The following MGA variants were observed in gnomAD, a reference collection of about 807,000 sequenced individuals.
MGA encodes MAX dimerization protein MGA, also known as MAX gene-associated protein.
Under a neutral mutation model 261.1 loss-of-function variants are expected in MGA, and 40 were observed. That is an observed-to-expected ratio of 0.15 (90% confidence interval 0.12 to 0.20). The LOEUF (loss-of-function observed/expected upper bound fraction) is 0.20, where lower values mean the gene tolerates loss of function less well. Ranked by LOEUF, MGA falls within the 10% of genes least tolerant of loss-of-function variation. The pLI is 1.00. For missense variants in MGA, 3,397 were observed against 3,630.5 expected, an observed-to-expected ratio of 0.94 and a Z score of 1.65; for synonymous variants, 1,302 against 1,290.6, an observed-to-expected ratio of 1.01 and a Z score of -0.19.
At chr15:41,721,258 A>G in intron 9 of MGA, among the ~76,000 whole-genome samples, 1 of 152,204 alleles carries the variant, frequency 6.6e-6, no homozygotes, top group Non-Finnish European at 1.5e-5. Flanking sequence ...ACTTGTGGTC[A>G]GGAATTCGAG....
intron 14 of MGA, among the ~76,000 whole-genome samples, chr15:41,741,346 C>CAAAAA (rs11389766): frequency 2.8e-4 from 20 of 72,272 alleles, no homozygotes; most frequent in Admixed American, 9.9e-4. Context: ...ACTCCATCTC[C>CAAAAA]AAAAAAAAAA....
intron 22 of MGA, among the ~76,000 whole-genome samples, chr15:41,764,033 C>T (rs903799393): frequency 3.8e-4 from 57 of 151,798 alleles, no homozygotes; most frequent in Admixed American, 2.0e-4. Flanking sequence ...GTGGTGCACA[C>T]CTGTAGTCCC....
At chr15:41,702,140 C>T (rs1010706505) in intron 5 of MGA, among the ~76,000 whole-genome samples, 45 of 151,772 alleles carry the variant, frequency 3.0e-4, no homozygotes, top group African/African-American at 1.1e-3. Flanking sequence ...GCCAACGTGG[C>T]GAAACTCCGT....
chr15:41,677,826 T>C (rs1757735004), intron 2 of MGA, among the ~76,000 whole-genome samples: 1 of 152,214 alleles, frequency 6.6e-6, no homozygotes, highest in Non-Finnish European at 1.5e-5. Context: ...ATATTTTGGA[T>C]ATTAATCCAT....
intron 1 of MGA, among the ~76,000 whole-genome samples, chr15:41,640,457 T>G (rs938548257): frequency 6.6e-6 from 1 of 152,210 alleles, no homozygotes; most frequent in Non-Finnish European, 1.5e-5. Flanking sequence ...TGATGTAAGA[T>G]TGTACATCAT....
intron 15 of MGA, among the ~76,000 whole-genome samples, chr15:41,748,229 G>A (rs1371757652): frequency 1.3e-5 from 2 of 151,542 alleles, no homozygotes; most frequent in Non-Finnish European, 2.9e-5. Flanking sequence ...TGCACTGAAG[G>A]TGACAAGTGC....
chr15:41,758,021 C>T (rs567768676), intron 19 of MGA, among the ~76,000 whole-genome samples, 182 bp downstream of exon 19: 1 of 151,872 alleles, frequency 6.6e-6, no homozygotes, highest in South Asian at 2.1e-4. Context: ...CTTTTTTTCC[C>T]TTTTAATTCT....
intron 7 of MGA, 51 bp from the exon 8 acceptor site, chr15:41,710,640 C>G: frequency 2.7e-6 from 4 of 1,480,434 alleles, no homozygotes; most frequent in Non-Finnish European, 3.6e-6. Flanking sequence ...TATGGAGATT[C>G]ATAAATCTGT....
At chr15:41,652,644 C>T (rs1186561985) in intron 1 of MGA, among the ~76,000 whole-genome samples, 1 of 151,290 alleles carries the variant, frequency 6.6e-6, no homozygotes, top group Non-Finnish European at 1.5e-5. Context: ...AGTGCTGGGA[C>T]TTATACCCTT....
At position 41,711,243 on chromosome 15, in the gene MGA, T is replaced by G; in HGVS notation, c.2978T>G (p.Val993Gly). 1.2e-6 allele frequency: 2 copies of G among 1,613,924 alleles called. No homozygotes were observed. The highest frequency in any genetic ancestry group is 1.7e-6 in the Non-Finnish European group (2 of 1,179,876). ...CCTCCAGGCTTGTCTAAATCTCAGG[T>G]GAAGCTAATGGACCTGGAAGACTGT... The change falls in exon 8 of 24, where the codon GTG becomes GGG. Residue 993 changes from valine to glycine, a missense_variant. Coordinates refer to ENST00000219905, the MANE Select transcript of MGA (RefSeq NM_001164273.2).
At chr15:41,621,711 G>A (rs12911770) in intron 1 of MGA, 1 of 151,984 alleles carries the variant, frequency 6.6e-6, no homozygotes, top group East Asian at 1.9e-4. Flanking sequence ...GGAGAGGGTG[G>A]CGGGGGCGGG....
At chr15:41,722,932 G>A (rs1340217656) in intron 9 of MGA, among the ~76,000 whole-genome samples, 1 of 152,128 alleles carries the variant, frequency 6.6e-6, no homozygotes, top group Non-Finnish European at 1.5e-5. Flanking sequence ...GTAATTTTAA[G>A]TCCCACGAGT....
intron 17 of MGA, 47 bp downstream of exon 17, chr15:41,750,662 G>A (rs1196743388): frequency 4.0e-6 from 6 of 1,500,730 alleles, no homozygotes; most frequent in Non-Finnish European, 5.3e-6. Context: ...GGATTTAAAT[G>A]ATTTATTAAA....
intron 5 of MGA, among the ~76,000 whole-genome samples, chr15:41,706,034 C>T (rs1010339212): frequency 3.2e-4 from 49 of 151,872 alleles, no homozygotes; most frequent in African/African-American, 1.1e-3. Flanking sequence ...GTCAGGATTT[C>T]GAGAGCAGCC....
intron 8 of MGA, among the ~76,000 whole-genome samples, chr15:41,712,909 T>C (rs2060458479): frequency 6.6e-6 from 1 of 152,240 alleles, no homozygotes; most frequent in African/African-American, 2.4e-5. Flanking sequence ...ACATTATGTA[T>C]AATTTATATT....
In MGA at chr15:41,737,308, GT is replaced by G. The variant is rs558117565; in HGVS notation, c.4434+619del. On this transcript the variant is annotated intron_variant, in intron 13 of 23. Transcript: ENST00000219905. ...CCTGGCTAATTTTGTGTTTGTGTGT[GT>G]TTTTTTTTGTTTTTGTTTTTTTTTT... 1.4e-4 allele frequency among the ~76,000 whole-genome samples: 21 copies of G among 149,148 alleles called. No individual in the cohort carries two copies. The East Asian group carries it at 3.1e-3, about 22-fold the overall frequency.
rs1335783748 is a variant in MGA at position 41,696,734 on chromosome 15, A to T, written c.1724A>T (p.Asp575Val). The change falls in exon 3 of 24, where the codon GAC becomes GTC. Residue 575 changes from aspartate to valine, a missense_variant. Transcript: ENST00000219905. ...GACGATTCAAAGGATTCAGTTGGAG[A>T]CTCACTTTCAGGAAAAGAGGACTTG... 1 of 1,611,960 alleles carries T rather than the reference A, an allele frequency of 6.2e-7. No individual in the cohort carries two copies. Among genetic ancestry groups the T allele is most frequent in the South Asian group, 1.1e-5 (1 of 90,646 alleles).
At chr15:41,754,396 C>A in intron 17 of MGA, 41 bp from the exon 18 acceptor site, 1 of 1,478,072 alleles carries the variant, frequency 6.8e-7, no homozygotes, top group Admixed American at 2.6e-5. Flanking sequence ...GGTGTGCTTG[C>A]CACTCAATAC....
At chr15:41,746,879 G>A (rs1284467926) in intron 15 of MGA, among the ~76,000 whole-genome samples, 1 of 149,522 alleles carries the variant, frequency 6.7e-6, no homozygotes, top group Non-Finnish European at 1.5e-5. Flanking sequence ...ATTTATTAAT[G>A]TTAAATAAGC....
Sources: allele counts gnomAD v4.1 joint callset (sites outside exome capture counted in the v4.1 genomes callset), GRCh38; gene constraint gnomAD v4.1.1; transcripts MANE v1.5; gene names NCBI Gene and HGNC (gene_info 2026-07-23, HGNC 2026-07-21).